CDH3: variants seen among roughly 807,000 people sequenced by gnomAD.
The protein encoded by CDH3 is cadherin-3.
CDH3 carries 54 observed loss-of-function variants against 82.0 expected under a neutral mutation model. The ratio of observed to expected loss-of-function variants is 0.66; its 90% CI spans 0.53 to 0.83. The LOEUF is 0.83. Among genes scored for constraint, CDH3 ranks in the 40% least tolerant of loss-of-function variants. CDH3 has a pLI of 0.00. For synonymous variants in CDH3, 446 were observed against 437.9 expected (o/e 1.02, Z -0.23); for missense variants, 1,054 against 1,084.6 (o/e 0.97, Z 0.40).
chr16:68,704,126 A>G (rs899354296), downstream of CDH3, among the ~76,000 whole-genome samples: 1 of 151,432 alleles, frequency 6.6e-6, no homozygotes, highest in African/African-American at 2.4e-5. Context: ...CTCTACTAAA[A>G]ATACAAAAAA....
chr16:68,670,035 C>T (rs1050320361), intron 2 of CDH3, among the ~76,000 whole-genome samples: 8 of 151,900 alleles, frequency 5.3e-5, no homozygotes, highest in South Asian at 2.1e-4. Flanking sequence ...CCAGCCTGAC[C>T]AACATAGTGA....
At chr16:68,710,335 C>T (rs1460129080) in intron 1 of CDH3, among the ~76,000 whole-genome samples, 2 of 152,172 alleles carry the variant, frequency 1.3e-5, no homozygotes, top group African/African-American at 2.4e-5. Flanking sequence ...GAGGATGCCT[C>T]GCCATCCCAG....
chr16:68,703,142 T>A (rs1276023842), downstream of CDH3, among the ~76,000 whole-genome samples: 4 of 152,200 alleles, frequency 2.6e-5, no homozygotes, highest in Admixed American at 6.5e-5. Flanking sequence ...GATCTTTTTT[T>A]CTTCCCAAAG....
chr16:68,688,667 C>G (rs1161810100), intron 12 of CDH3, among the ~76,000 whole-genome samples: 3 of 152,048 alleles, frequency 2.0e-5, no homozygotes, highest in Non-Finnish European at 4.4e-5. Flanking sequence ...CACTCTGTCT[C>G]CCAGACTGGA....
At chr16:68,661,254 G>A (rs1027192834) in intron 2 of CDH3, among the ~76,000 whole-genome samples, 3 of 152,192 alleles carry the variant, frequency 2.0e-5, no homozygotes, top group African/African-American at 7.2e-5. Flanking sequence ...ATAATGTATA[G>A]AGTGCCTGAA....
chr16:68,725,412 C>A (rs1962208966), intron 2 of CDH3, among the ~76,000 whole-genome samples: 1 of 151,962 alleles, frequency 6.6e-6, no homozygotes, highest in Non-Finnish European at 1.5e-5. Context: ...CGGCTCACTG[C>A]AAGCTCTGCC....
At chr16:68,716,037 G>A (rs1962091226) in intron 1 of CDH3, among the ~76,000 whole-genome samples, 2 of 152,010 alleles carry the variant, frequency 1.3e-5, no homozygotes, top group South Asian at 4.2e-4. Context: ...GGGAGGCTGA[G>A]GCGGGTGGAT....
intron 10 of CDH3, 77 bp from the exon 11 acceptor site, chr16:68,685,127 TG>T: frequency 6.6e-7 from 1 of 1,526,310 alleles, no homozygotes; most frequent in Non-Finnish European, 9.0e-7. Context: ...ATCTGCCAGT[TG>T]GTATGAGGAG....
At chr16:68,703,534 CCTT>C (rs2152109050), downstream of CDH3, among the ~76,000 whole-genome samples, 1 of 152,350 alleles carries the variant, frequency 6.6e-6, no homozygotes, top group African/African-American at 2.4e-5. Flanking sequence ...GCAGAACCCA[CCTT>C]CTGGCCTCCC....
chr16:68,713,399 A>T (rs1266684285), intron 1 of CDH3, among the ~76,000 whole-genome samples: 1 of 151,374 alleles, frequency 6.6e-6, no homozygotes, highest in Non-Finnish European at 1.5e-5. Context: ...AGACATCCCG[A>T]CCCTGGAGCT....
At chr16:68,671,483 A>G (rs868205593) in intron 2 of CDH3, among the ~76,000 whole-genome samples, 5 of 149,504 alleles carry the variant, frequency 3.3e-5, no homozygotes, top group African/African-American at 1.2e-4. Context: ...GATACCAGTC[A>G]TGCTGGATTA....
chr16:68,674,109 A>G (rs1407662259), intron 2 of CDH3, among the ~76,000 whole-genome samples: 1 of 152,200 alleles, frequency 6.6e-6, no homozygotes, highest in Non-Finnish European at 1.5e-5. Context: ...GAACTGCCAA[A>G]CTGTTTTCCA....
chr16:68,725,248 T>C (rs1162815166), intron 2 of CDH3, among the ~76,000 whole-genome samples: 1 of 152,152 alleles, frequency 6.6e-6, no homozygotes, highest in Non-Finnish European at 1.5e-5. Flanking sequence ...AGGAAAAATC[T>C]TGTCCCCTGA....
intron 10 of CDH3, 65 bp from the exon 11 acceptor site, chr16:68,685,140 C>T: frequency 6.3e-7 from 1 of 1,575,116 alleles, no homozygotes; most frequent in Non-Finnish European, 8.7e-7. Context: ...TATGAGGAGG[C>T]CCTGAATGAT....
chr16:68,680,020 G>C, intron 7 of CDH3, 46 bp downstream of exon 7: 3 of 1,561,786 alleles, frequency 1.9e-6, no homozygotes, highest in Non-Finnish European at 1.8e-6. Context: ...ACTTGCCCAG[G>C]CTGGGAACTG....
intron 2 of CDH3, among the ~76,000 whole-genome samples, chr16:68,655,520 A>G (rs1344754087): frequency 1.3e-5 from 2 of 152,204 alleles, no homozygotes; most frequent in Non-Finnish European, 2.9e-5. Context: ...ATAGAGGGAC[A>G]GACAAATAAG....
At chr16:68,674,997 CAGCT>C (rs1350578937) in intron 2 of CDH3, among the ~76,000 whole-genome samples, 2 of 152,116 alleles carry the variant, frequency 1.3e-5, no homozygotes, top group African/African-American at 2.4e-5. Flanking sequence ...CCTATAGTCT[CAGCT>C]AGTCGGGAGG....
Position 68,679,903 on chromosome 16 carries a change from C to T in CDH3, c.796C>T (p.His266Tyr), listed in dbSNP as rs370737398. 6 of 1,614,144 alleles carry T rather than the reference C, an allele frequency of 3.7e-6. No individual in the cohort carries two copies. Among genetic ancestry groups the T allele is most frequent in the African/African-American group, 1.3e-5 (1 of 75,056 alleles). ...CCATAGCCAAGAACCAAAGGACCCA[C>T]ACGACCTCATGTTCACCATTCACCG... ...SIHSQEPKDP[H>Y]DLMFTIHRST... Residue 266 changes from histidine to tyrosine, a missense_variant, in exon 7 of 16, where the codon CAC becomes TAC. Physicochemically the swap from His to Tyr is moderately conservative, Grantham distance 83. Coordinates refer to ENST00000264012, the MANE Select transcript of CDH3 (RefSeq NM_001793.6).
chr16:68,698,152 G>A lies in CDH3; in HGVS notation c.2281-39G>A, dbSNP rs547854526. The stretch of plus-strand genomic sequence containing the variant: ...GAGGCTTGCAGCTGGCAAGAGGCAG[G>A]ACCCGCCGCTCCTAACTACCTGTTC... On this transcript the variant is annotated intron_variant, in intron 15 of 15. Coordinates refer to ENST00000264012, the MANE Select transcript of CDH3 (RefSeq NM_001793.6). 8 of 1,599,176 alleles carry A rather than the reference G, an allele frequency of 5.0e-6. No homozygotes were observed. In the East Asian group the frequency reaches 6.7e-5, roughly 13 times the overall value.
Sources: gnomAD v4.1 joint callset for allele counts (sites outside exome capture counted in the v4.1 genomes callset) on GRCh38, gnomAD v4.1.1 for gene constraint, MANE v1.5 for transcripts, NCBI Gene and HGNC (gene_info 2026-07-23, HGNC 2026-07-21) for gene names.